CTNNA3: variants seen among roughly 807,000 people sequenced by gnomAD.
CTNNA3 encodes the protein catenin alpha-3.
In CTNNA3, 76 loss-of-function variants were observed where a neutral mutation model predicts 95.7. The observed-to-expected ratio is 0.79, with a 90% confidence interval of 0.66 to 0.96. The LOEUF is 0.96. Among genes scored for constraint, CTNNA3 ranks in the 40% least tolerant of loss-of-function variants. CTNNA3 has a pLI of 0.00. For synonymous variants in CTNNA3, 431 were observed against 374.4 expected, an observed-to-expected ratio of 1.15 and a Z score of -1.74; for missense variants, 1,191 against 1,089.8, an observed-to-expected ratio of 1.09 and a Z score of -1.31.
intron 5 of CTNNA3, among the ~76,000 whole-genome samples, chr10:67,471,714 C>G (rs1847837231): frequency 6.6e-6 from 1 of 152,052 alleles, no homozygotes; most frequent in Admixed American, 6.6e-5. Flanking sequence ...TTTAGACATG[C>G]CTGCATCTTG....
At chr10:66,209,579 T>C (rs887291491) in intron 13 of CTNNA3, among the ~76,000 whole-genome samples, 8 of 151,950 alleles carry the variant, frequency 5.3e-5, no homozygotes, top group Non-Finnish European at 7.4e-5. Context: ...GGAAGGTCAA[T>C]GTGAGGAAGT....
intron 12 of CTNNA3, among the ~76,000 whole-genome samples, chr10:66,281,712 T>C (rs1160944801): frequency 6.6e-6 from 1 of 151,920 alleles, no homozygotes; most frequent in African/African-American, 2.4e-5. Context: ...TTTTTCTACA[T>C]TTAAGTTGTA....
At chr10:66,538,181 T>C (rs1841725355) in intron 10 of CTNNA3, among the ~76,000 whole-genome samples, 1 of 152,134 alleles carries the variant, frequency 6.6e-6, no homozygotes, top group African/African-American at 2.4e-5. Flanking sequence ...AATTTTTTAT[T>C]TTCCTTTTTC....
chr10:66,899,338 C>A (rs551309860), intron 7 of CTNNA3, among the ~76,000 whole-genome samples: 37 of 152,128 alleles, frequency 2.4e-4, no homozygotes, highest in Non-Finnish European at 4.7e-4. Context: ...TACCACATGA[C>A]CAAGCAATCC....
Position 66,870,996 on chromosome 10 carries a change from T to C in CTNNA3, c.1048-95472A>G, listed in dbSNP as rs145432696. Among the ~76,000 whole-genome samples the C allele has an allele frequency of 4.7e-3, 715 of 152,322 alleles. 7 individuals are homozygous for C. Among genetic ancestry groups the C allele is most frequent in the African/African-American group, 0.016 (670 of 41,564 alleles). ...ACTGAAGGCAGAAGCTGCTGACTTC[T>C]ACATTTCAATAAAACTATTATGAAT... On this transcript the variant is annotated intron_variant, in intron 7 of 17. Transcript: ENST00000433211.
chr10:67,750,169 C>A, intron 1 of CTNNA3: 1 of 1,054,088 alleles, frequency 9.5e-7, no homozygotes, highest in Non-Finnish European at 1.4e-6. Context: ...CCACGAAGGT[C>A]CGTGGCTTCA....
At chr10:67,482,450 G>T (rs2133056591) in intron 5 of CTNNA3, among the ~76,000 whole-genome samples, 1 of 152,004 alleles carries the variant, frequency 6.6e-6, no homozygotes, top group Non-Finnish European at 1.5e-5. Flanking sequence ...AGTTCTCCTT[G>T]AAGAGGTCCT....
intron 13 of CTNNA3, among the ~76,000 whole-genome samples, chr10:66,227,545 C>T (rs2089371955): frequency 6.6e-6 from 1 of 151,932 alleles, no homozygotes; most frequent in African/African-American, 2.4e-5. Flanking sequence ...ATGTATAATC[C>T]TTCTGATATG....
intron 7 of CTNNA3, among the ~76,000 whole-genome samples, chr10:66,813,775 A>C (rs1337823281): frequency 6.6e-6 from 1 of 152,038 alleles, no homozygotes; most frequent in Non-Finnish European, 1.5e-5. Flanking sequence ...TCTAAGTATA[A>C]AGTCGGAAGG....
intron 9 of CTNNA3, among the ~76,000 whole-genome samples, chr10:66,633,096 A>T (rs567474550): frequency 7.2e-5 from 11 of 152,178 alleles, no homozygotes; most frequent in Non-Finnish European, 1.6e-4. Flanking sequence ...CCAACTTTTC[A>T]GAGAGCAATT....
chr10:67,167,096 G>A (rs777078841), intron 7 of CTNNA3, among the ~76,000 whole-genome samples: 50 of 148,984 alleles, frequency 3.4e-4, no homozygotes, highest in Non-Finnish European at 4.6e-4. Context: ...GACAGAACGA[G>A]ACTCCATCTC....
At chr10:67,560,085 T>C (rs1589426065) in intron 3 of CTNNA3, among the ~76,000 whole-genome samples, 1 of 152,238 alleles carries the variant, frequency 6.6e-6, no homozygotes. Flanking sequence ...CCAGGAGAAC[T>C]TCCCCAATCT....
At chr10:67,056,949 G>A (rs60792515) in intron 7 of CTNNA3, among the ~76,000 whole-genome samples, 3,163 of 152,242 alleles carry the variant, frequency 0.021, 86 homozygotes, top group African/African-American at 0.072. Flanking sequence ...AAAAGAGTGG[G>A]AACTGACTGA....
At chr10:66,539,293 C>T (rs1841765597) in intron 10 of CTNNA3, among the ~76,000 whole-genome samples, 1 of 152,038 alleles carries the variant, frequency 6.6e-6, no homozygotes, top group African/African-American at 2.4e-5. Flanking sequence ...AGGCAAATGG[C>T]TACATTCCCA....
chr10:67,518,686 C>T (rs1158223546), intron 5 of CTNNA3, among the ~76,000 whole-genome samples: 1 of 151,950 alleles, frequency 6.6e-6, no homozygotes, highest in Admixed American at 6.6e-5. Context: ...ACATTAGAGT[C>T]CACATTATCA....
At chr10:67,561,970 C>A (rs959717279) in intron 3 of CTNNA3, among the ~76,000 whole-genome samples, 2 of 152,170 alleles carry the variant, frequency 1.3e-5, no homozygotes, top group African/African-American at 2.4e-5. Flanking sequence ...AGACCAACAA[C>A]AGGATCTGAA....
intron 7 of CTNNA3, among the ~76,000 whole-genome samples, chr10:66,833,785 G>A (rs1403272518): frequency 2.6e-5 from 4 of 152,268 alleles, no homozygotes; most frequent in Admixed American, 6.5e-5. Flanking sequence ...CCAACAGGGA[G>A]AGAAAGGCTC....
At chr10:66,809,847 C>T (rs569422904) in intron 7 of CTNNA3, among the ~76,000 whole-genome samples, 39 of 150,858 alleles carry the variant, frequency 2.6e-4, no homozygotes, top group African/African-American at 9.3e-4. Context: ...CCTTGTCCTC[C>T]AGGCTGGAGT....
rs746797915 is a variant in CTNNA3, at chr10:66,360,609, TTC to T, written c.1732+18541_1732+18542del. 1.8e-4 allele frequency among the ~76,000 whole-genome samples: 4 copies of T among 22,174 alleles called. No homozygotes were observed. In the East Asian group the frequency reaches 6.2e-3, roughly 34 times the overall value. The allele number at this position is 22,174 out of a possible 152,430, so 14.5% of individuals were successfully genotyped here. ...ATGTATTCTTTCCTTCTTTCTTTCT[TTC>T]TTTCTTTCTTTCTTTCTTTCTTTCT... is the stretch of plus-strand genomic sequence containing the variant. On this transcript the variant is annotated intron_variant, in intron 12 of 17. Transcript: ENST00000433211.
Sources: gnomAD v4.1 joint callset for allele counts (sites outside exome capture counted in the v4.1 genomes callset) on GRCh38, gnomAD v4.1.1 for gene constraint, MANE v1.5 for transcripts, NCBI Gene and HGNC (gene_info 2026-07-23, HGNC 2026-07-21) for gene names.